PLPP3: variants seen among roughly 807,000 people sequenced by gnomAD.
PLPP3 encodes phospholipid phosphatase 3.
In PLPP3, 6 loss-of-function variants were observed where a neutral mutation model predicts 29.6. That is an observed-to-expected ratio of 0.20 (90% CI 0.11 to 0.40). The LOEUF (loss-of-function observed/expected upper bound fraction) is 0.40. PLPP3 is among the 10% of genes least tolerant of loss of function. PLPP3 has a pLI of 1.00. For synonymous variants in PLPP3, 152 were observed against 159.7 expected (o/e 0.95, Z 0.36); for missense variants, 308 against 407.7 (o/e 0.76, Z 2.11).
chr1:56,577,341 A>G (rs1413379401), intron 1 of PLPP3, among the ~76,000 whole-genome samples: 2 of 152,194 alleles, frequency 1.3e-5, no homozygotes, highest in African/African-American at 4.8e-5. Flanking sequence ...TAGCATCTTA[A>G]TGTTGAATTA....
intron 1 of PLPP3, among the ~76,000 whole-genome samples, chr1:56,541,345 T>C (rs1053390052): frequency 2.6e-5 from 4 of 152,038 alleles, no homozygotes; most frequent in African/African-American, 9.7e-5. Flanking sequence ...ATGAAGGGAA[T>C]GAAGGAAAGA....
At chr1:56,510,385 A>T (rs1645734072) in intron 5 of PLPP3, among the ~76,000 whole-genome samples, 1 of 152,266 alleles carries the variant, frequency 6.6e-6, no homozygotes, top group Non-Finnish European at 1.5e-5. Flanking sequence ...AGAAAAAGAA[A>T]GCAAGGGAGA....
At chr1:56,575,243 C>T (rs768730858) in intron 1 of PLPP3, among the ~76,000 whole-genome samples, 1 of 152,160 alleles carries the variant, frequency 6.6e-6, no homozygotes. Context: ...CAATGCAACT[C>T]GATAGTGGCA....
rs1286657067 is a variant in PLPP3 at position 56,496,588 on chromosome 1, T to G, written c.899A>C (p.Asp300Ala). 1 of 1,613,916 alleles carries G rather than the reference T, an allele frequency of 6.2e-7. No homozygotes were observed. Among genetic ancestry groups the G allele is most frequent in the Non-Finnish European group, 8.5e-7 (1 of 1,179,954 alleles). The change falls in exon 6 of 6, where the codon GAC (aspartate) becomes GCC (alanine). Residue 300 changes from aspartate (D) to alanine (A), a missense_variant. Coordinates refer to ENST00000371250, the MANE Select transcript of PLPP3 (RefSeq NM_003713.5). ...AIRKEILSPV[D>A]IIDRNNHHNM... ...GTGGTGATTGTTCCTGTCAATAATG[T>G]CCACAGGTGAAAGGATTTCCTTCCG...
intron 1 of PLPP3, among the ~76,000 whole-genome samples, chr1:56,554,642 T>C (rs1646062159): frequency 6.6e-6 from 1 of 152,136 alleles, no homozygotes; most frequent in Admixed American, 6.6e-5. Context: ...ATTGTTATTA[T>C]TCATGGTCTT....
intron 1 of PLPP3, among the ~76,000 whole-genome samples, chr1:56,556,758 CAAG>C (rs1317679096): frequency 5.3e-5 from 8 of 150,970 alleles, no homozygotes; most frequent in Non-Finnish European, 8.9e-5. Context: ...AAGTATTTAT[CAAG>C]AAGGACTGTC....
At chr1:56,522,721 C>T (rs1256418895) in intron 4 of PLPP3, among the ~76,000 whole-genome samples, 1 of 152,170 alleles carries the variant, frequency 6.6e-6, no homozygotes, top group Non-Finnish European at 1.5e-5. Context: ...TTTCCCAATT[C>T]CTAATTGTGC....
Position 56,557,026 on chromosome 1 carries a change from AAG to A in PLPP3, c.140-19916_140-19915del, listed in dbSNP as rs771132203. On this transcript the variant is annotated intron_variant, in intron 1 of 5. Coordinates refer to ENST00000371250, the MANE Select transcript of PLPP3 (RefSeq NM_003713.5). The stretch of plus-strand genomic sequence containing the variant: ...AGAAAGAAAGAGAGAGAGAGAGAGA[AAG>A]AGAGAGAGAGAGAGAGAGAGAGAGA... Among the ~76,000 whole-genome samples, 28 of 9,524 alleles carry A rather than the reference AAG, an allele frequency of 2.9e-3. 5 individuals carry two copies. Among genetic ancestry groups the A allele is most frequent in the Non-Finnish European group, 3.7e-3 (13 of 3,520 alleles). 6.2% of individuals were successfully genotyped at this position (9,524 alleles called of 152,430 possible).
intron 1 of PLPP3, among the ~76,000 whole-genome samples, chr1:56,560,747 A>C (rs1376960482): frequency 6.6e-6 from 1 of 152,076 alleles, no homozygotes; most frequent in East Asian, 1.9e-4. Flanking sequence ...GTTAGTAACA[A>C]AGTTAAGATG....
chr1:56,548,148 C>A (rs1211551328), intron 1 of PLPP3, among the ~76,000 whole-genome samples: 1 of 152,184 alleles, frequency 6.6e-6, no homozygotes, highest in South Asian at 2.1e-4. Flanking sequence ...AGACTGGAGC[C>A]GTTCCAGGGT....
At chr1:56,560,852 T>A (rs1010961646) in intron 1 of PLPP3, among the ~76,000 whole-genome samples, 10 of 147,082 alleles carry the variant, frequency 6.8e-5, no homozygotes, top group Admixed American at 2.0e-4. Flanking sequence ...TTTTTTTTTT[T>A]TTTGAGACAG....
At chr1:56,547,424 C>T (rs1646013176) in intron 1 of PLPP3, among the ~76,000 whole-genome samples, 1 of 152,096 alleles carries the variant, frequency 6.6e-6, no homozygotes, top group South Asian at 2.1e-4. Context: ...CTCCCACATC[C>T]CAAATCCTGT....
intron 4 of PLPP3, among the ~76,000 whole-genome samples, chr1:56,521,744 C>CTTTTCTCTTCCTTCCCTCTCTCCT (rs1645821230): frequency 1.3e-5 from 2 of 152,124 alleles, no homozygotes; most frequent in Non-Finnish European, 2.9e-5. Context: ...TCCTCTCTCC[C>CTTTTCTCTTCCTTCCCTCTCTCCT]TTTTCTCTTC....
intron 2 of PLPP3, among the ~76,000 whole-genome samples, chr1:56,525,146 T>C (rs577778124): frequency 1.3e-5 from 2 of 152,212 alleles, no homozygotes; most frequent in East Asian, 1.9e-4. Context: ...GCTTTGGCCT[T>C]CTGCTCCATA....
intron 1 of PLPP3, among the ~76,000 whole-genome samples, chr1:56,555,263 C>T (rs937029266): frequency 1.9e-5 from 2 of 105,716 alleles, no homozygotes; most frequent in Admixed American, 9.1e-5. Context: ...TTGGTGACTT[C>T]CCCGGGGACT....
intron 1 of PLPP3, among the ~76,000 whole-genome samples, chr1:56,563,270 G>T (rs2100299711): frequency 6.6e-6 from 1 of 152,302 alleles, no homozygotes; most frequent in Admixed American, 6.5e-5. Flanking sequence ...TTATACACTT[G>T]CTTTCATGCT....
intron 5 of PLPP3, among the ~76,000 whole-genome samples, chr1:56,504,934 T>C (rs1645692657): frequency 1.3e-5 from 2 of 152,186 alleles, no homozygotes; most frequent in South Asian, 2.1e-4. Flanking sequence ...CAAAATCAAC[T>C]AACTAGGTGG....
intron 1 of PLPP3, among the ~76,000 whole-genome samples, chr1:56,565,667 C>T (rs974986276): frequency 2.0e-5 from 3 of 151,994 alleles, no homozygotes; most frequent in East Asian, 1.9e-4. Context: ...GTGATCTGCC[C>T]GCCTCAGCCT....
chr1:56,502,033 C>T (rs763379784), intron 5 of PLPP3, among the ~76,000 whole-genome samples: 3 of 152,224 alleles, frequency 2.0e-5, no homozygotes, highest in Non-Finnish European at 2.9e-5. Context: ...CCAGGGAGCA[C>T]ACACAGTCCA....
Sources: gnomAD v4.1 joint callset for allele counts (sites outside exome capture counted in the v4.1 genomes callset) on GRCh38, gnomAD v4.1.1 for gene constraint, MANE v1.5 for transcripts, NCBI Gene and HGNC (gene_info 2026-07-23, HGNC 2026-07-21) for gene names.